The following IL12RB2 variants were observed in gnomAD, a reference collection of about 807,000 sequenced individuals.
The protein encoded by IL12RB2 is interleukin 12 receptor subunit beta 2.
A neutral mutation model predicts 89.4 loss-of-function variants in IL12RB2; 82 were observed. The ratio of observed to expected loss-of-function variants is 0.92; its 90% CI spans 0.77 to 1.10. The LOEUF (loss-of-function observed/expected upper bound fraction) is 1.10, where lower values mean the gene tolerates loss of function less well. Among genes scored for constraint, IL12RB2 ranks in the 50% least tolerant of loss-of-function variants. The probability of loss-of-function intolerance (pLI) is 0.00; values close to 1 mark genes in which losing one functional copy is unlikely to be tolerated. For missense variants in IL12RB2, 963 were observed against 1,031.9 expected, an observed-to-expected ratio of 0.93 and a Z score of 0.92; for synonymous variants, 368 against 370.1, an observed-to-expected ratio of 0.99 and a Z score of 0.07.
chr1:67,310,302 T>C (rs1654875032), intron 1 of IL12RB2, among the ~76,000 whole-genome samples: 1 of 151,820 alleles, frequency 6.6e-6, no homozygotes, highest in Admixed American at 6.6e-5. Flanking sequence ...TTTTTGTTTT[T>C]GTTTTCCAAA....
At chr1:67,362,757 T>C (rs1662243953) in intron 10 of IL12RB2, among the ~76,000 whole-genome samples, 2 of 152,034 alleles carry the variant, frequency 1.3e-5, no homozygotes, top group Admixed American at 1.3e-4. Flanking sequence ...TTGAAGAAAT[T>C]TGTTGCCAGC....
At chr1:67,381,202 A>C (rs1664530604) in intron 14 of IL12RB2, among the ~76,000 whole-genome samples, 1 of 152,194 alleles carries the variant, frequency 6.6e-6, no homozygotes, top group Admixed American at 6.5e-5. Context: ...CAGAACTACA[A>C]ATCAAACTCA....
At chr1:67,376,146 G>A (rs1663965673) in intron 13 of IL12RB2, among the ~76,000 whole-genome samples, 1 of 151,960 alleles carries the variant, frequency 6.6e-6, no homozygotes, top group Admixed American at 6.6e-5. Context: ...GCGCCTGGCT[G>A]GCCAGCACAT....
chr1:67,316,174 C>A (rs1197422636), intron 2 of IL12RB2, among the ~76,000 whole-genome samples: 1 of 152,146 alleles, frequency 6.6e-6, no homozygotes, highest in Non-Finnish European at 1.5e-5. Context: ...AGGAGATAGA[C>A]AGGTATCTAA....
chr1:67,321,069 T>C (rs1460339488), intron 3 of IL12RB2, among the ~76,000 whole-genome samples: 1 of 149,012 alleles, frequency 6.7e-6, no homozygotes, highest in Non-Finnish European at 1.5e-5. Flanking sequence ...GTTTGGTTTG[T>C]TTTTTTTTTC....
chr1:67,326,144 G>A (rs1324641184), intron 4 of IL12RB2, among the ~76,000 whole-genome samples: 3 of 152,204 alleles, frequency 2.0e-5, no homozygotes, highest in Non-Finnish European at 4.4e-5. Flanking sequence ...ACATGACTGA[G>A]GCAACTGGGT....
At chr1:67,330,572 T>TC in intron 7 of IL12RB2, 88 bp from the exon 8 acceptor site, 1 of 634,534 alleles carries the variant, frequency 1.6e-6, no homozygotes, top group Non-Finnish European at 2.8e-6. Context: ...TCAAATAGCC[T>TC]GGGTTTTTTT....
intron 1 of IL12RB2, among the ~76,000 whole-genome samples, chr1:67,310,922 A>G (rs773817455): frequency 2.0e-5 from 3 of 152,064 alleles, no homozygotes; most frequent in African/African-American, 4.8e-5. Context: ...ACGGAGTTTC[A>G]CCATGTTGGT....
chr1:67,386,441 A>G, intron 14 of IL12RB2, 138 bp from the exon 15 acceptor site: 1 of 743,506 alleles, frequency 1.3e-6, no homozygotes, highest in Non-Finnish European at 2.5e-6. Flanking sequence ...CTGCATAGAC[A>G]AAAGTGAATT....
intron 2 of IL12RB2, among the ~76,000 whole-genome samples, chr1:67,319,065 G>A (rs1656158659): frequency 6.6e-6 from 1 of 152,248 alleles, no homozygotes; most frequent in Admixed American, 6.5e-5. Context: ...AGGGACAGGA[G>A]TGCTTTGTCT....
chr1:67,378,430 C>T (rs1465521862), intron 13 of IL12RB2, among the ~76,000 whole-genome samples: 1 of 80,418 alleles, frequency 1.2e-5, no homozygotes, highest in East Asian at 3.0e-4. Context: ...TCTAGGTTTA[C>T]AGCTGCCAAA....
chr1:67,338,336 CAAAAAAAAAAAAAAAAAAAAAAAA>C lies in IL12RB2; in HGVS notation c.959-274_959-251del, dbSNP rs572505092. Among the ~76,000 whole-genome samples, 8 of 40,102 alleles carry C rather than the reference CAAAAAAAAAAAAAAAAAAAAAAAA, an allele frequency of 2.0e-4. 1 individual carries two copies. Among genetic ancestry groups the C allele is most frequent in the Non-Finnish European group, 3.9e-4 (7 of 17,764 alleles). The allele number at this position is 40,102 out of a possible 152,430, so 26.3% of individuals were successfully genotyped here. A position where few individuals can be genotyped will look rare whatever the true frequency, so the allele number is the denominator to read the frequency against. On this transcript the variant is annotated intron_variant, in intron 8 of 16. Coordinates refer to ENST00000674203, the MANE Select transcript of IL12RB2 (RefSeq NM_001374259.2). ...GAGGCAACAGAGCAAGATCCTGTCTCAAAAAAAAAAAAAAAAAAAAAAAAAAAAAAAAAAAAAGTAAGTTAAGAA... is the reference window on the plus strand; with the variant it reads ...GAGGCAACAGAGCAAGATCCTGTCTCAAAAAAAAAAAAAGTAAGTTAAGAA...
At chr1:67,334,516 T>G (rs1658504491) in intron 8 of IL12RB2, among the ~76,000 whole-genome samples, 1 of 152,248 alleles carries the variant, frequency 6.6e-6, no homozygotes, top group Admixed American at 6.5e-5. Context: ...TCTGGCTCTG[T>G]CACCCATGCT....
At chr1:67,316,747 G>A (rs1569710475) in intron 2 of IL12RB2, among the ~76,000 whole-genome samples, 1 of 152,150 alleles carries the variant, frequency 6.6e-6, no homozygotes, top group Admixed American at 6.6e-5. Flanking sequence ...GTGAGGAAAA[G>A]TGTTCCCACA....
chr1:67,359,074 G>C (rs1456156126), intron 10 of IL12RB2, among the ~76,000 whole-genome samples: 2 of 151,948 alleles, frequency 1.3e-5, no homozygotes, highest in African/African-American at 4.8e-5. Context: ...CCAGGAGGCA[G>C]AGATTGCAGT....
rs566705668 is a variant in IL12RB2 at position 67,388,920 on chromosome 1, T to C, written c.1947-1109T>C. 1.3e-4 allele frequency among the ~76,000 whole-genome samples: 20 copies of C among 152,270 alleles called. No individual in the cohort carries two copies. In the South Asian group the frequency reaches 3.9e-3, roughly 30 times the overall value. Reference sequence around the variant, plus strand: ...TATTGAAGATCTAATGTGTGATAGATACTTCAACGTGAAGCTCTCTTTGGG... The same window carrying C: ...TATTGAAGATCTAATGTGTGATAGACACTTCAACGTGAAGCTCTCTTTGGG... On this transcript the variant is annotated intron_variant, in intron 15 of 16. Transcript: ENST00000674203.
chr1:67,367,006 T>C (rs560486731), intron 10 of IL12RB2, among the ~76,000 whole-genome samples: 3 of 152,244 alleles, frequency 2.0e-5, no homozygotes, highest in Non-Finnish European at 4.4e-5. Flanking sequence ...ATTTCAAGGA[T>C]AGGAATTTGT....
At chr1:67,371,188 T>C (rs1663260443) in intron 11 of IL12RB2, among the ~76,000 whole-genome samples, 1 of 152,222 alleles carries the variant, frequency 6.6e-6, no homozygotes, top group Non-Finnish European at 1.5e-5. Context: ...TGGATTACCA[T>C]ACTAAGCTGA....
At chr1:67,329,242 G>A (rs112610634) in intron 6 of IL12RB2, among the ~76,000 whole-genome samples, 18 of 152,188 alleles carry the variant, frequency 1.2e-4, no homozygotes, top group Non-Finnish European at 1.3e-4. Flanking sequence ...ATCACTAGCC[G>A]TCTCTGGCTT....
Sources: gnomAD v4.1 joint callset for allele counts (sites outside exome capture counted in the v4.1 genomes callset) on GRCh38, gnomAD v4.1.1 for gene constraint, MANE v1.5 for transcripts, NCBI Gene and HGNC (gene_info 2026-07-23, HGNC 2026-07-21) for gene names.